MYOZ2: variants seen among roughly 807,000 people sequenced by gnomAD.
MYOZ2 encodes myozenin 2, also known as myozenin-2.
Under a neutral mutation model 25.4 loss-of-function variants are expected in MYOZ2, and 19 were observed. The observed-to-expected ratio is 0.75, with a 90% CI of 0.52 to 1.10. The LOEUF is 1.10. MYOZ2 is among the 50% of genes least tolerant of loss of function. MYOZ2 has a pLI of 0.00. For missense variants in MYOZ2, 270 were observed against 317.9 expected (o/e 0.85, Z 1.15); for synonymous variants, 92 against 106.9 (o/e 0.86, Z 0.86).
intron 5 of MYOZ2, among the ~76,000 whole-genome samples, chr4:119,180,819 G>C (rs1742173452): frequency 6.6e-6 from 1 of 152,120 alleles, no homozygotes; most frequent in Non-Finnish European, 1.5e-5. Flanking sequence ...GCCTCCCAAA[G>C]TGCTGGGATT....
intron 2 of MYOZ2, among the ~76,000 whole-genome samples, chr4:119,136,994 A>G (rs935598797): frequency 3.3e-5 from 5 of 152,102 alleles, no homozygotes; most frequent in Non-Finnish European, 5.9e-5. Flanking sequence ...CATTATATAA[A>G]TCACTCAAAA....
At chr4:119,153,008 G>T (rs1449992578) in intron 3 of MYOZ2, among the ~76,000 whole-genome samples, 5 of 151,470 alleles carry the variant, frequency 3.3e-5, no homozygotes, top group African/African-American at 1.2e-4. Context: ...ACCAAGGTTT[G>T]GTCCTGGCTC....
chr4:119,143,873 G>A (rs1448997999), intron 2 of MYOZ2, among the ~76,000 whole-genome samples: 2 of 152,058 alleles, frequency 1.3e-5, no homozygotes, highest in Non-Finnish European at 2.9e-5. Flanking sequence ...TCTTTTCATG[G>A]CTTGATAGCT....
chr4:119,136,439 C>A, intron 1 of MYOZ2, 73 bp from the exon 2 acceptor site: 1 of 1,315,570 alleles, frequency 7.6e-7, no homozygotes. Flanking sequence ...TGTTGTCTTT[C>A]AAAACAGTGA....
At chr4:119,154,856 T>TACAC (rs199500749) in intron 3 of MYOZ2, among the ~76,000 whole-genome samples, 51 of 31,616 alleles carry the variant, frequency 1.6e-3, no homozygotes, top group African/African-American at 2.7e-3. Context: ...AATGTTATAT[T>TACAC]ACACACACAC....
chr4:119,182,228 C>G (rs1578372489), intron 5 of MYOZ2, among the ~76,000 whole-genome samples: 1 of 152,136 alleles, frequency 6.6e-6, no homozygotes, highest in African/African-American at 2.4e-5. Flanking sequence ...CTATTGTCAG[C>G]AACAAACATA....
At chr4:119,159,370 C>G (rs1383276168) in intron 4 of MYOZ2, among the ~76,000 whole-genome samples, 1 of 152,150 alleles carries the variant, frequency 6.6e-6, no homozygotes, top group African/African-American at 2.4e-5. Flanking sequence ...TTTGTTTTCT[C>G]TGTTCCCTCA....
chr4:119,179,064 T>C (rs1028759421), intron 5 of MYOZ2, among the ~76,000 whole-genome samples: 1 of 152,234 alleles, frequency 6.6e-6, no homozygotes, highest in African/African-American at 2.4e-5. Flanking sequence ...AATTTAGAAA[T>C]GCAAATCAGG....
At chr4:119,143,474 G>A (rs1741218653) in intron 2 of MYOZ2, among the ~76,000 whole-genome samples, 1 of 152,172 alleles carries the variant, frequency 6.6e-6, no homozygotes, top group African/African-American at 2.4e-5. Context: ...GATTATAGGC[G>A]TGAGCCACCG....
At position 119,187,527 on chromosome 4, in the gene MYOZ2, A is replaced by C. The variant is rs1387775780; in HGVS notation, c.*1327A>C. 1 of 152,092 alleles carries C rather than the reference A, an allele frequency of 6.6e-6. No homozygotes were observed. Among genetic ancestry groups the C allele is most frequent in the Non-Finnish European group, 1.5e-5 (1 of 68,002 alleles). The allele number at this position is 152,092 out of a possible 1,614,324, so 9.4% of individuals were successfully genotyped here. A position where few individuals can be genotyped will look rare whatever the true frequency, so the allele number is the denominator to read the frequency against. ...ATCATCTAGACTTGTTAAGTAGAAA[A>C]ATTTTAAAAATTTGCTTATGAAAAT... is the stretch of plus-strand genomic sequence containing the variant. On this transcript the variant is annotated 3_prime_UTR_variant, in exon 6 of 6. Coordinates refer to ENST00000307128, the MANE Select transcript of MYOZ2 (RefSeq NM_016599.5).
At position 119,186,337 on chromosome 4, in the gene MYOZ2, A is replaced by G; in HGVS notation, c.*137A>G. The G allele has an allele frequency of 1.5e-6, 1 of 676,160 alleles. No homozygotes were observed. 41.9% of individuals were successfully genotyped at this position (676,160 alleles called of 1,614,324 possible). On this transcript the variant is annotated 3_prime_UTR_variant, in exon 6 of 6. Coordinates refer to ENST00000307128, the MANE Select transcript of MYOZ2 (RefSeq NM_016599.5). ...TAGTGATTTTCCTTTTCTGACATTC[A>G]ATTTCAATCTCAGATCAAATACTAA...
At chr4:119,137,033 A>G (rs1741045767) in intron 2 of MYOZ2, among the ~76,000 whole-genome samples, 1 of 152,110 alleles carries the variant, frequency 6.6e-6, no homozygotes, top group Non-Finnish European at 1.5e-5. Context: ...TTATCAAGCT[A>G]TTAAGTTGGA....
intron 5 of MYOZ2, among the ~76,000 whole-genome samples, chr4:119,174,808 C>T (rs1418464166): frequency 1.3e-5 from 2 of 152,176 alleles, no homozygotes; most frequent in Non-Finnish European, 2.9e-5. Context: ...AATCTTGCTA[C>T]TGCTCACTTT....
chr4:119,185,264 C>T lies in MYOZ2; in HGVS notation c.561-702C>T, dbSNP rs139755897. The stretch of plus-strand genomic sequence containing the variant: ...GGCTCAAGTGATTCTCCTGCTTCAG[C>T]ATCCCAGGTACTTGGGATTACAGGT... On this transcript the variant is annotated intron_variant, in intron 5 of 5. Coordinates refer to ENST00000307128, the MANE Select transcript of MYOZ2 (RefSeq NM_016599.5). 8.5e-3 allele frequency among the ~76,000 whole-genome samples: 1,286 copies of T among 152,146 alleles called. 12 individuals carry two copies. Among genetic ancestry groups the T allele is most frequent in the Non-Finnish European group, 0.014 (939 of 68,002 alleles).
At position 119,136,564 on chromosome 4, in the gene MYOZ2, G is replaced by T. The variant is rs145688699; in HGVS notation, c.39G>T (p.Gln13His). The change falls in exon 2 of 6, where the codon CAG becomes CAT. Residue 13 changes from glutamine (Q) to histidine (H), a missense_variant. Transcript: ENST00000307128. ...SHNTMMKQRK[Q>H]QATAIMKEVH... ...ATACTATGATGAAGCAGAGAAAACA[G>T]CAAGCAACAGCCATCATGAAGGAAG... 2 of 1,613,600 alleles carry T rather than the reference G, an allele frequency of 1.2e-6. No individual in the cohort carries two copies. Among genetic ancestry groups the T allele is most frequent in the South Asian group, 2.2e-5 (2 of 91,062 alleles).
chr4:119,179,756 C>A (rs1742150443), intron 5 of MYOZ2, among the ~76,000 whole-genome samples: 1 of 152,218 alleles, frequency 6.6e-6, no homozygotes, highest in South Asian at 2.1e-4. Context: ...CATTTGGTGT[C>A]TGGTGAGGGT....
At chr4:119,136,740 G>T (rs1578720668) in intron 2 of MYOZ2, 139 bp downstream of exon 2, 2 of 887,166 alleles carry the variant, frequency 2.3e-6, no homozygotes, top group African/African-American at 1.7e-5. Context: ...TCTAGGGGGT[G>T]TAGAAAAGCC....
At chr4:119,171,589 T>C (rs965057357) in intron 5 of MYOZ2, among the ~76,000 whole-genome samples, 4 of 151,708 alleles carry the variant, frequency 2.6e-5, no homozygotes, top group Non-Finnish European at 5.9e-5. Context: ...TTATTTTCAA[T>C]TTATTATTTT....
At chr4:119,145,762 G>T (rs1241258106) in intron 2 of MYOZ2, among the ~76,000 whole-genome samples, 2 of 152,016 alleles carry the variant, frequency 1.3e-5, no homozygotes, top group South Asian at 2.1e-4. Flanking sequence ...CTTCTATTTT[G>T]GGGCAGAGAT....
Sources: allele counts gnomAD v4.1 joint callset (sites outside exome capture counted in the v4.1 genomes callset), GRCh38; gene constraint gnomAD v4.1.1; transcripts MANE v1.5; gene names NCBI Gene and HGNC (gene_info 2026-07-23, HGNC 2026-07-21).